Variants in SLC71A2 observed in about 807,000 individuals in gnomAD.
The protein encoded by SLC71A2 is solute carrier family 71 member 2, also known as hippocampus abundant transcript-like 1.
the SLC71A2 span, among the ~76,000 whole-genome samples, chr9:94,375,246 C>T: frequency 6.6e-6 from 1 of 151,836 alleles, no homozygotes; most frequent in South Asian, 2.1e-4. Flanking sequence ...AGTTTCTCTC[C>T]AAGTCTACAT....
chr9:94,456,414 T>A, the SLC71A2 span: 1 of 1,155,850 alleles, frequency 8.7e-7, no homozygotes. Context: ...AGCTCTGAGT[T>A]CTCCCCATCA....
At chr9:94,457,904 G>A in the SLC71A2 span, among the ~76,000 whole-genome samples, 4 of 151,936 alleles carry the variant, frequency 2.6e-5, no homozygotes, top group Non-Finnish European at 5.9e-5. Flanking sequence ...AGGTCTCTAG[G>A]GAGATAGGCT....
chr9:94,391,865 C>G, the SLC71A2 span, among the ~76,000 whole-genome samples: 2 of 152,140 alleles, frequency 1.3e-5, no homozygotes, highest in South Asian at 4.1e-4. Context: ...GGCAACAGAG[C>G]GAGACCCTGT....
At chr9:94,433,463 G>A in the SLC71A2 span, among the ~76,000 whole-genome samples, 1 of 150,660 alleles carries the variant, frequency 6.6e-6, no homozygotes, top group Non-Finnish European at 1.5e-5. Flanking sequence ...ACCTGAGGTT[G>A]GGAGTTTGAG....
the SLC71A2 span, among the ~76,000 whole-genome samples, chr9:94,413,843 C>T: frequency 6.0e-4 from 91 of 152,242 alleles, no homozygotes; most frequent in African/African-American, 2.1e-3. Context: ...GTAATTGGGT[C>T]GTCTAAGATG....
chr9:94,385,111 A>G, the SLC71A2 span, among the ~76,000 whole-genome samples: 11 of 152,090 alleles, frequency 7.2e-5, no homozygotes, highest in Admixed American at 6.6e-5. Flanking sequence ...GTATTCTATT[A>G]TAGCAGCACA....
At chr9:94,429,174 G>A in the SLC71A2 span, 3 of 1,603,868 alleles carry the variant, frequency 1.9e-6, no homozygotes, top group Non-Finnish European at 2.5e-6. Context: ...CTTGATGTTT[G>A]TTTGCTTTTT....
At chr9:94,379,089 CT>C in the SLC71A2 span, among the ~76,000 whole-genome samples, 162 of 84,046 alleles carry the variant, frequency 1.9e-3, 11 homozygotes, top group African/African-American at 3.9e-3. Context: ...TGTGCATTTC[CT>C]TTTTTTTTTT....
chr9:94,444,656 A>G, the SLC71A2 span, among the ~76,000 whole-genome samples: 3 of 152,180 alleles, frequency 2.0e-5, no homozygotes, highest in African/African-American at 4.8e-5. Context: ...AGGTTTTTAC[A>G]ATTTTTGTTT....
At chr9:94,386,626 T>G in the SLC71A2 span, among the ~76,000 whole-genome samples, 1 of 152,118 alleles carries the variant, frequency 6.6e-6, no homozygotes. Flanking sequence ...TCTGCCTTGA[T>G]CTCCATTAGC....
the SLC71A2 span, chr9:94,460,894 A>G: frequency 1.3e-5 from 2 of 152,248 alleles, no homozygotes; most frequent in Middle Eastern, 3.4e-3. Flanking sequence ...TTCCTAATGC[A>G]TAATAAATTT....
the SLC71A2 span, among the ~76,000 whole-genome samples, chr9:94,378,700 A>C: frequency 6.6e-6 from 1 of 152,186 alleles, no homozygotes; most frequent in Non-Finnish European, 1.5e-5. Context: ...AATTGAGAAG[A>C]GATCAGCCCC....
At chr9:94,420,172 G>A in the SLC71A2 span, among the ~76,000 whole-genome samples, 13 of 152,158 alleles carry the variant, frequency 8.5e-5, no homozygotes, top group African/African-American at 1.2e-4. Flanking sequence ...AGAGTCAACC[G>A]ATTTGGGGAG....
the SLC71A2 span, among the ~76,000 whole-genome samples, chr9:94,423,693 T>G: frequency 1.3e-5 from 2 of 152,108 alleles, no homozygotes; most frequent in East Asian, 1.9e-4. Flanking sequence ...TAGAGTGTCC[T>G]AAATATCACT....
the SLC71A2 span, among the ~76,000 whole-genome samples, chr9:94,410,765 T>C: frequency 6.6e-6 from 1 of 152,020 alleles, no homozygotes; most frequent in African/African-American, 2.4e-5. Flanking sequence ...TAGCAAAAAT[T>C]TTAAAATTAT....
chr9:94,459,468 C>A, the SLC71A2 span: 3 of 1,595,932 alleles, frequency 1.9e-6, no homozygotes, highest in Non-Finnish European at 2.6e-6. Flanking sequence ...TGGAGGGAGC[C>A]ACACCCCTGG....
the SLC71A2 span, among the ~76,000 whole-genome samples, chr9:94,428,593 C>CA: frequency 7.4e-6 from 1 of 134,496 alleles, no homozygotes; most frequent in Admixed American, 7.7e-5. Context: ...TATGCATACC[C>CA]CCCCCCCTTT....
At chr9:94,400,311 C>T in the SLC71A2 span, among the ~76,000 whole-genome samples, 1 of 151,878 alleles carries the variant, frequency 6.6e-6, no homozygotes, top group Non-Finnish European at 1.5e-5. Context: ...TGTCTGGGGT[C>T]TCATTGTCAA....
At chr9:94,444,597 C>T in the SLC71A2 span, among the ~76,000 whole-genome samples, 71 of 152,278 alleles carry the variant, frequency 4.7e-4, 1 homozygote, top group Non-Finnish European at 2.6e-4. Context: ...CTCACATCCC[C>T]GGTCCCCAGT....
Sources: allele counts gnomAD v4.1 joint callset (sites outside exome capture counted in the v4.1 genomes callset), GRCh38; gene constraint gnomAD v4.1.1; transcripts MANE v1.5; gene names NCBI Gene and HGNC (gene_info 2026-07-23, HGNC 2026-07-21).